Variants in TLN2 observed in about 807,000 individuals in gnomAD.
TLN2 encodes the protein talin 2, also known as talin-2.
A neutral mutation model predicts 294.7 loss-of-function variants in TLN2; 118 were observed. The observed-to-expected ratio is 0.40, with a 90% CI of 0.34 to 0.47. The LOEUF (loss-of-function observed/expected upper bound fraction) is 0.47, where lower values mean the gene tolerates loss of function less well. Among genes scored for constraint, TLN2 ranks in the 20% least tolerant of loss-of-function variants. The pLI, the probability that TLN2 is intolerant of heterozygous loss-of-function variation, is 0.84. For missense variants in TLN2, 3,083 were observed against 3,282.2 expected, an observed-to-expected ratio of 0.94 and a Z score of 1.48; for synonymous variants, 1,431 against 1,304.5, an observed-to-expected ratio of 1.10 and a Z score of -2.09.
Position 62,792,480 on chromosome 15 carries a change from TCAAC to T in TLN2, c.5737-157_5737-154del, listed in dbSNP as rs548420682. On this transcript the variant is annotated intron_variant, in intron 45 of 58. Transcript: ENST00000636159. Reference sequence around the variant, plus strand: ...ACAGTCTCTCAAAAGGGAAGCAAAATCAACCAAATTCCATACTTCACCAAACACA... The same window carrying T: ...ACAGTCTCTCAAAAGGGAAGCAAAATCAAATTCCATACTTCACCAAACACA... 1.8e-3 allele frequency among the ~76,000 whole-genome samples: 269 copies of T among 152,180 alleles called. 1 individual carries two copies. Among genetic ancestry groups the T allele is most frequent in the Non-Finnish European group, 1.5e-3 (101 of 67,988 alleles).
intron 1 of TLN2, among the ~76,000 whole-genome samples, chr15:62,516,847 G>GA (rs1208273506): frequency 6.6e-6 from 1 of 152,220 alleles, no homozygotes; most frequent in Non-Finnish European, 1.5e-5. Context: ...GGTAGGAGGT[G>GA]AGGTAATTGC....
chr15:62,680,696 A>C (rs2056749117), intron 11 of TLN2, among the ~76,000 whole-genome samples: 1 of 151,946 alleles, frequency 6.6e-6, no homozygotes, highest in Admixed American at 6.6e-5. Context: ...AGTGTACATT[A>C]TACTTACTGT....
At chr15:62,505,101 C>CAT (rs2039537139) in intron 1 of TLN2, among the ~76,000 whole-genome samples, 2 of 151,894 alleles carry the variant, frequency 1.3e-5, no homozygotes, top group African/African-American at 2.4e-5. Flanking sequence ...GGATTACAGG[C>CAT]GCCTGCCACT....
intron 46 of TLN2, 126 bp downstream of exon 46, chr15:62,792,913 G>A (rs957789180): frequency 1.5e-5 from 22 of 1,436,016 alleles, no homozygotes; most frequent in Admixed American, 4.8e-5. Context: ...GTCTCATCCC[G>A]ATCTTCCCCA....
At chr15:62,699,226 C>G (rs1047920081) in intron 16 of TLN2, among the ~76,000 whole-genome samples, 2 of 152,190 alleles carry the variant, frequency 1.3e-5, no homozygotes, top group Non-Finnish European at 2.9e-5. Context: ...ATGATCTAAT[C>G]ACCTGTAGAG....
intron 1 of TLN2, among the ~76,000 whole-genome samples, chr15:62,427,553 T>C (rs2140282651): frequency 6.6e-6 from 1 of 152,206 alleles, no homozygotes; most frequent in Non-Finnish European, 1.5e-5. Flanking sequence ...TAGCCATGTT[T>C]ACCCTTGCTG....
intron 22 of TLN2, among the ~76,000 whole-genome samples, chr15:62,714,060 C>T (rs1567433524): frequency 6.6e-6 from 1 of 151,360 alleles, no homozygotes; most frequent in African/African-American, 2.4e-5. Context: ...TAAAAAATTA[C>T]TTGGTAGGTT....
intron 1 of TLN2, among the ~76,000 whole-genome samples, chr15:62,537,251 G>C (rs942734503): frequency 2.0e-5 from 3 of 152,094 alleles, no homozygotes; most frequent in African/African-American, 7.2e-5. Context: ...ATCTGACCTC[G>C]TGATCCGCCC....
At position 62,819,578 on chromosome 15, in the gene TLN2, C is replaced by T. The variant is rs749822817; in HGVS notation, c.6834C>T (p.Ala2278=). Reference sequence around the variant, plus strand: ...TGGCCGCTTTCTCCAAGCGAGTCGCCGGCGCTGTGACAGAGCTCATCCAGG... The same window carrying T: ...TGGCCGCTTTCTCCAAGCGAGTCGCTGGCGCTGTGACAGAGCTCATCCAGG... ...QQLAAFSKRV[A]GAVTELIQAA... Residue 2278 remains alanine (A), a synonymous_variant, in exon 53 of 59, where the codon GCC becomes GCT. Coordinates refer to ENST00000636159, the MANE Select transcript of TLN2 (RefSeq NM_015059.3). The T allele has an allele frequency of 2.4e-5, 38 of 1,613,258 alleles. No individual in the cohort carries two copies. The highest frequency in any genetic ancestry group is 8.9e-5 in the East Asian group (4 of 44,884).
intron 1 of TLN2, among the ~76,000 whole-genome samples, chr15:62,396,291 C>T (rs368087659): frequency 2.8e-4 from 42 of 152,232 alleles, no homozygotes; most frequent in African/African-American, 9.9e-4. Context: ...TGTTCAAACA[C>T]GCAGGCTTTT....
At chr15:62,761,563 A>G (rs2141021251) in intron 37 of TLN2, 118 bp from the exon 38 acceptor site, 1 of 1,411,436 alleles carries the variant, frequency 7.1e-7, no homozygotes, top group Non-Finnish European at 9.7e-7. Flanking sequence ...TTATGAAGTC[A>G]CCAGAGATTT....
intron 58 of TLN2, among the ~76,000 whole-genome samples, chr15:62,840,157 G>C (rs1406851965): frequency 6.6e-6 from 1 of 152,188 alleles, no homozygotes; most frequent in African/African-American, 2.4e-5. Flanking sequence ...ACTTTCAACA[G>C]GGCATGCTTC....
intron 1 of TLN2, among the ~76,000 whole-genome samples, chr15:62,589,383 G>A (rs1197447178): frequency 1.3e-5 from 2 of 152,202 alleles, no homozygotes; most frequent in Non-Finnish European, 2.9e-5. Context: ...TGAGGGAGGT[G>A]GATGTCTGTA....
intron 1 of TLN2, among the ~76,000 whole-genome samples, chr15:62,479,202 A>G (rs1232134208): frequency 6.6e-6 from 1 of 152,120 alleles, no homozygotes; most frequent in Non-Finnish European, 1.5e-5. Context: ...CCAGCTCTGT[A>G]ATGTGATAAC....
chr15:62,830,812 C>T (rs2068749292), intron 54 of TLN2: 1 of 152,140 alleles, frequency 6.6e-6, no homozygotes. Flanking sequence ...GCCCTCCATC[C>T]CTGTGCCATC....
chr15:62,656,230 A>G (rs2414792), intron 8 of TLN2, 144 bp downstream of exon 8: 39,809 of 1,045,076 alleles, frequency 0.038, 1,059 homozygotes, highest in African/African-American at 0.097. Flanking sequence ...GGGTCCCCGC[A>G]TGTGTTTGGT....
chr15:62,699,170 A>G (rs1211116360), intron 16 of TLN2, among the ~76,000 whole-genome samples: 5 of 152,072 alleles, frequency 3.3e-5, no homozygotes, highest in African/African-American at 1.2e-4. Context: ...TGCCTTCTCA[A>G]TTCCTCCACT....
At chr15:62,756,748 T>C (rs956039199) in intron 37 of TLN2, among the ~76,000 whole-genome samples, 1 of 152,070 alleles carries the variant, frequency 6.6e-6, no homozygotes, top group Non-Finnish European at 1.5e-5. Context: ...AAAAAGCCAG[T>C]GCAATTGCAT....
intron 16 of TLN2, among the ~76,000 whole-genome samples, chr15:62,699,202 GT>G (rs112238535): frequency 2.4e-4 from 36 of 152,272 alleles, no homozygotes; most frequent in African/African-American, 8.4e-4. Flanking sequence ...AAATAGAGTT[GT>G]TATGAAGATG....
Sources: allele counts gnomAD v4.1 joint callset (sites outside exome capture counted in the v4.1 genomes callset), GRCh38; gene constraint gnomAD v4.1.1; transcripts MANE v1.5; gene names NCBI Gene and HGNC (gene_info 2026-07-23, HGNC 2026-07-21).